The following SIK3 variants were observed in gnomAD, a reference collection of about 807,000 sequenced individuals.
SIK3 encodes SIK family kinase 3, also known as serine/threonine-protein kinase SIK3.
Under a neutral mutation model 144.2 loss-of-function variants are expected in SIK3, and 28 were observed. That is an observed-to-expected ratio of 0.19 (90% confidence interval 0.14 to 0.27). The LOEUF is 0.27. SIK3 is among the 10% of genes least tolerant of loss of function. The probability of loss-of-function intolerance (pLI) is 1.00; values close to 1 mark genes in which losing one functional copy is unlikely to be tolerated. For synonymous variants in SIK3, 686 were observed against 676.3 expected (o/e 1.01, Z -0.22); for missense variants, 1,319 against 1,776.0 (o/e 0.74, Z 4.62).
intron 3 of SIK3, among the ~76,000 whole-genome samples, chr11:116,936,173 G>A (rs1020576816): frequency 1.3e-5 from 2 of 152,098 alleles, no homozygotes; most frequent in East Asian, 1.9e-4. Flanking sequence ...CTGAACTAGC[G>A]TTCTCTTTGT....
intron 1 of SIK3, among the ~76,000 whole-genome samples, chr11:117,093,084 T>C (rs1224576263): frequency 3.9e-5 from 6 of 152,348 alleles, no homozygotes; most frequent in African/African-American, 1.4e-4. Flanking sequence ...AACATAATCA[T>C]CTTTCAATAG....
chr11:116,920,354 C>T (rs1001286403), intron 4 of SIK3, among the ~76,000 whole-genome samples: 13 of 152,142 alleles, frequency 8.5e-5, no homozygotes, highest in African/African-American at 3.1e-4. Flanking sequence ...TCTTCTACCC[C>T]TTTCTTCTAT....
At chr11:116,917,105 C>A (rs1363642206) in intron 4 of SIK3, among the ~76,000 whole-genome samples, 1 of 152,000 alleles carries the variant, frequency 6.6e-6, no homozygotes. Context: ...CAGGTGCGTG[C>A]GACCACACCT....
intron 1 of SIK3, among the ~76,000 whole-genome samples, chr11:117,043,773 T>G (rs1952843612): frequency 6.6e-6 from 1 of 152,244 alleles, no homozygotes; most frequent in South Asian, 2.1e-4. Context: ...CTCAGTTACA[T>G]TTTACAATCT....
At chr11:116,949,052 AT>A (rs1387857828) in intron 3 of SIK3, among the ~76,000 whole-genome samples, 3 of 152,218 alleles carry the variant, frequency 2.0e-5, no homozygotes, top group Non-Finnish European at 4.4e-5. Context: ...ATACTTTCAA[AT>A]GAATGAAAAT....
At chr11:116,989,645 T>C (rs1950435958) in intron 1 of SIK3, among the ~76,000 whole-genome samples, 1 of 151,962 alleles carries the variant, frequency 6.6e-6, no homozygotes, top group Non-Finnish European at 1.5e-5. Flanking sequence ...AAAATTAAAA[T>C]GAAAAATTAG....
At chr11:116,996,246 T>G (rs1473901572) in intron 1 of SIK3, among the ~76,000 whole-genome samples, 1 of 151,942 alleles carries the variant, frequency 6.6e-6, no homozygotes, top group Non-Finnish European at 1.5e-5. Context: ...AGACAAAGGT[T>G]GCAATGAGCC....
At chr11:116,863,255 C>T (rs1446525228) in intron 16 of SIK3, among the ~76,000 whole-genome samples, 1 of 152,126 alleles carries the variant, frequency 6.6e-6, no homozygotes, top group Non-Finnish European at 1.5e-5. Flanking sequence ...GAAAGCTATA[C>T]TTTCTTTTTC....
intron 1 of SIK3, among the ~76,000 whole-genome samples, chr11:117,032,852 G>A (rs182546213): frequency 6.6e-6 from 1 of 151,804 alleles, no homozygotes; most frequent in African/African-American, 2.4e-5. Context: ...TCAAACAATA[G>A]GCTATATATC....
At chr11:117,023,269 A>T (rs1716708341) in intron 1 of SIK3, among the ~76,000 whole-genome samples, 1 of 152,084 alleles carries the variant, frequency 6.6e-6, no homozygotes, top group African/African-American at 2.4e-5. Flanking sequence ...AAGCACAGGG[A>T]GAAGTTGTTC....
In SIK3 at chr11:116,873,643, G is replaced by C. The variant is rs986353373; in HGVS notation, c.1582-7C>G. 1.9e-6 allele frequency: 3 copies of C among 1,542,440 alleles called. No individual in the cohort carries two copies. In the African/African-American group the frequency reaches 4.1e-5, roughly 21 times the overall value. ...GCTGTAGGAGAGACTGCTCCTGCCA[G>C]GAACAGAGTGGGGAGGACGGACCAT... On this transcript the variant is annotated splice_polypyrimidine_tract_variant and splice_region_variant and intron_variant, in intron 12 of 24. Transcript: ENST00000445177.
intron 1 of SIK3, among the ~76,000 whole-genome samples, chr11:117,096,410 G>A (rs958701921): frequency 6.6e-6 from 1 of 152,128 alleles, no homozygotes; most frequent in Non-Finnish European, 1.5e-5. Context: ...GAAAGAAATA[G>A]CAAAACAAGG....
intron 1 of SIK3, among the ~76,000 whole-genome samples, chr11:117,070,745 C>A (rs2135998063): frequency 6.8e-6 from 1 of 146,070 alleles, no homozygotes; most frequent in South Asian, 2.2e-4. Flanking sequence ...TGCGCCCGGC[C>A]CTTTTTCTTT....
chr11:116,935,768 A>G (rs1242828382), intron 3 of SIK3, among the ~76,000 whole-genome samples: 3 of 152,216 alleles, frequency 2.0e-5, no homozygotes, highest in Non-Finnish European at 4.4e-5. Context: ...ATTGACTATC[A>G]AAATGTTGCA....
At chr11:116,932,201 T>C (rs934930782) in intron 3 of SIK3, among the ~76,000 whole-genome samples, 1 of 152,190 alleles carries the variant, frequency 6.6e-6, no homozygotes, top group African/African-American at 2.4e-5. Flanking sequence ...ACCTCACTCC[T>C]AGATTTCTGC....
chr11:116,893,916 A>C (rs565614378), intron 6 of SIK3: 12 of 166,936 alleles, frequency 7.2e-5, no homozygotes, highest in Admixed American at 6.5e-4. Context: ...CACATGATTA[A>C]GCTTTTGCTC....
intron 6 of SIK3, 125 bp downstream of exon 6, chr11:116,896,128 A>G: frequency 1.5e-6 from 2 of 1,350,198 alleles, no homozygotes; most frequent in African/African-American, 1.4e-5. Flanking sequence ...GCATCAGGTC[A>G]GCAAGCTGGA....
chr11:116,958,590 A>G lies in SIK3; in HGVS notation c.274-1526T>C, dbSNP rs12276238. Among the ~76,000 whole-genome samples, 1,164 of 152,204 alleles carry G rather than the reference A, an allele frequency of 7.6e-3. 14 individuals carry two copies. Among genetic ancestry groups the G allele is most frequent in the African/African-American group, 0.024 (999 of 41,450 alleles). ...GGAGCTATGTACCAGGTATAACAACAGACAGAGGATGGTGAATGACCTTCA... is the reference window on the plus strand; with the variant it reads ...GGAGCTATGTACCAGGTATAACAACGGACAGAGGATGGTGAATGACCTTCA... On this transcript the variant is annotated intron_variant, in intron 1 of 24. Coordinates refer to ENST00000445177, the MANE Select transcript of SIK3 (RefSeq NM_001366686.3).
chr11:117,013,907 G>GTGTGTGTGTGTGTGTGTGT (rs1485971413), intron 1 of SIK3, among the ~76,000 whole-genome samples: 2 of 44,902 alleles, frequency 4.5e-5, no homozygotes, highest in East Asian at 4.8e-4. Context: ...TGAGGGGGGG[G>GTGTGTGTGTGTGTGTGTGT]GGGGGAGGGT....
Sources: gnomAD v4.1 joint callset for allele counts (sites outside exome capture counted in the v4.1 genomes callset) on GRCh38, gnomAD v4.1.1 for gene constraint, MANE v1.5 for transcripts, NCBI Gene and HGNC (gene_info 2026-07-23, HGNC 2026-07-21) for gene names.